The following KLHL6 variants were observed in gnomAD, a reference collection of about 807,000 sequenced individuals.
The protein encoded by KLHL6 is kelch-like protein 6.
Under a neutral mutation model 58.6 loss-of-function variants are expected in KLHL6, and 41 were observed. The observed-to-expected ratio is 0.70, with a 90% CI of 0.55 to 0.91. The LOEUF (loss-of-function observed/expected upper bound fraction) is 0.91, where lower values mean the gene tolerates loss of function less well. KLHL6 is among the 40% of genes least tolerant of loss of function. KLHL6 has a pLI of 0.00. For synonymous variants in KLHL6, 338 were observed against 322.7 expected, an observed-to-expected ratio of 1.05 and a Z score of -0.51; for missense variants, 714 against 805.6, an observed-to-expected ratio of 0.89 and a Z score of 1.38.
intron 1 of KLHL6, among the ~76,000 whole-genome samples, chr3:183,538,322 A>G (rs1712432155): frequency 6.6e-6 from 1 of 151,840 alleles, no homozygotes; most frequent in Admixed American, 6.6e-5. Context: ...CTGTAACCCT[A>G]ATTCTAACCC....
chr3:183,537,772 G>T (rs374445225), intron 1 of KLHL6, among the ~76,000 whole-genome samples: 4 of 152,020 alleles, frequency 2.6e-5, no homozygotes, highest in African/African-American at 9.7e-5. Context: ...GGCTCTCCCC[G>T]ACACTCCCCC....
chr3:183,524,388 C>T (rs1239667064), intron 2 of KLHL6, among the ~76,000 whole-genome samples: 1 of 152,190 alleles, frequency 6.6e-6, no homozygotes, highest in African/African-American at 2.4e-5. Context: ...TTTCCAAAAA[C>T]TAGTTGGGGA....
intron 1 of KLHL6, among the ~76,000 whole-genome samples, chr3:183,555,107 G>C (rs908200227): frequency 6.6e-6 from 1 of 152,104 alleles, no homozygotes; most frequent in Non-Finnish European, 1.5e-5. Context: ...AGAGGTTGCG[G>C]TGAACCGAGA....
Position 183,508,057 on chromosome 3 carries a change from A to G in KLHL6, c.909+2T>C. The G allele has an allele frequency of 6.2e-7, 1 of 1,612,380 alleles. No homozygotes were observed. The highest frequency in any genetic ancestry group is 2.2e-5 in the East Asian group (1 of 44,828). On this transcript the variant is annotated splice_donor_variant, in intron 3 of 6. Coordinates refer to ENST00000341319, the MANE Select transcript of KLHL6 (RefSeq NM_130446.4). LOFTEE classifies it high-confidence loss of function. ...ATATAGCACCTCTTATCTTCTACTC[A>G]CCTCATTGCCAGAAAGGTGGTACAT...
chr3:183,516,584 G>T (rs1329038331), intron 2 of KLHL6, among the ~76,000 whole-genome samples: 1 of 152,242 alleles, frequency 6.6e-6, no homozygotes, highest in African/African-American at 2.4e-5. Flanking sequence ...CCAAGAGAAA[G>T]CACTGCCTGT....
Position 183,492,881 on chromosome 3 carries a change from A to G in KLHL6, c.1351-174T>C. 1 of 600,998 alleles carries G rather than the reference A, an allele frequency of 1.7e-6. No individual in the cohort carries two copies. The highest frequency in any genetic ancestry group is 2.0e-5 in the South Asian group (1 of 50,320). The allele number at this position is 600,998 out of a possible 1,614,324, so 37.2% of individuals were successfully genotyped here. On this transcript the variant is annotated intron_variant, in intron 5 of 6. Coordinates refer to ENST00000341319, the MANE Select transcript of KLHL6 (RefSeq NM_130446.4). The surrounding 1 kb of genome is among the most constrained non-coding windows in gnomAD (Gnocchi z 5.9). Reference sequence around the variant, plus strand: ...AGACACAGCAAGAATGAAAGCATGCATTTCCCACCCTCCCTCCAGGCTCCA... The same window carrying G: ...AGACACAGCAAGAATGAAAGCATGCGTTTCCCACCCTCCCTCCAGGCTCCA...
intron 1 of KLHL6, among the ~76,000 whole-genome samples, chr3:183,545,553 C>G (rs1433478623): frequency 1.3e-5 from 2 of 152,188 alleles, no homozygotes; most frequent in Non-Finnish European, 1.5e-5. Context: ...ATAATATCCA[C>G]ATGCTGTGGA....
At chr3:183,511,853 A>G (rs913245042) in intron 2 of KLHL6, among the ~76,000 whole-genome samples, 8 of 152,190 alleles carry the variant, frequency 5.3e-5, no homozygotes, top group Non-Finnish European at 1.0e-4. Flanking sequence ...TTCAGGGTAC[A>G]GGTCAAAATG....
At chr3:183,536,210 G>A (rs374180206) in intron 1 of KLHL6, among the ~76,000 whole-genome samples, 4 of 152,210 alleles carry the variant, frequency 2.6e-5, no homozygotes, top group Admixed American at 6.5e-5. Flanking sequence ...CAAGACAAGG[G>A]GGGGAGGAAG....
At chr3:183,493,776 A>G (rs1282841627) in intron 5 of KLHL6, 1 of 394,242 alleles carries the variant, frequency 2.5e-6, no homozygotes, top group East Asian at 5.3e-5. Flanking sequence ...CAAGACATGC[A>G]GACCAAGAGA....
At chr3:183,539,570 G>A (rs1422733678) in intron 1 of KLHL6, among the ~76,000 whole-genome samples, 3 of 152,040 alleles carry the variant, frequency 2.0e-5, no homozygotes, top group Non-Finnish European at 4.4e-5. Context: ...TTAGCTCGGT[G>A]TGGTGGCGGG....
intron 1 of KLHL6, among the ~76,000 whole-genome samples, chr3:183,532,099 T>A (rs1398545854): frequency 6.6e-6 from 1 of 152,222 alleles, no homozygotes; most frequent in Non-Finnish European, 1.5e-5. Flanking sequence ...TAACCCCTAA[T>A]GTGAATGTAT....
chr3:183,539,304 G>A (rs547982217), intron 1 of KLHL6, among the ~76,000 whole-genome samples: 37 of 152,276 alleles, frequency 2.4e-4, no homozygotes, highest in African/African-American at 7.7e-4. Context: ...GCTGCCTCCC[G>A]AATCAGGTGG....
At chr3:183,493,667 A>G (rs1717633320) in intron 5 of KLHL6, 1 of 179,466 alleles carries the variant, frequency 5.6e-6, no homozygotes, top group Admixed American at 5.5e-5. Flanking sequence ...ACATGACCAA[A>G]TCACTCTGGG....
At chr3:183,525,265 A>ACACAC (rs1553811014) in intron 2 of KLHL6, among the ~76,000 whole-genome samples, 1,355 of 52,622 alleles carry the variant, frequency 0.026, 20 homozygotes, top group African/African-American at 0.072. Context: ...CTCTCTAAAA[A>ACACAC]AAAAACACAC....
At chr3:183,525,634 T>G (rs1711938894) in intron 2 of KLHL6, among the ~76,000 whole-genome samples, 1 of 152,150 alleles carries the variant, frequency 6.6e-6, no homozygotes. Context: ...TAAACCTAGG[T>G]CTGCTTGCCC....
At chr3:183,526,241 G>A (rs929960065) in intron 2 of KLHL6, among the ~76,000 whole-genome samples, 3 of 152,208 alleles carry the variant, frequency 2.0e-5, no homozygotes, top group Non-Finnish European at 4.4e-5. Context: ...AACCCAGAAG[G>A]CAGAGGTTGC....
At chr3:183,552,905 G>C (rs1560114389) in intron 1 of KLHL6, among the ~76,000 whole-genome samples, 1 of 152,136 alleles carries the variant, frequency 6.6e-6, no homozygotes, top group East Asian at 1.9e-4. Context: ...TGACACTCTG[G>C]ACTTTGGCTC....
intron 1 of KLHL6, among the ~76,000 whole-genome samples, chr3:183,533,845 C>T (rs1448943106): frequency 6.6e-6 from 1 of 151,944 alleles, no homozygotes; most frequent in Non-Finnish European, 1.5e-5. Flanking sequence ...CTTCCCTCCC[C>T]TCTTCTCTTT....
Sources: allele counts gnomAD v4.1 joint callset (sites outside exome capture counted in the v4.1 genomes callset), GRCh38; gene constraint gnomAD v4.1.1; non-coding constraint Gnocchi (gnomAD v3.1); transcripts MANE v1.5; gene names NCBI Gene and HGNC (gene_info 2026-07-23, HGNC 2026-07-21).